The following SNTG1 variants were observed in gnomAD, a reference collection of about 807,000 sequenced individuals.
SNTG1 encodes syntrophin gamma 1.
In SNTG1, 39 loss-of-function variants were observed where a neutral mutation model predicts 74.7. That is an observed-to-expected ratio of 0.52 (90% CI 0.40 to 0.68). The LOEUF is 0.68. SNTG1 is among the 30% of genes least tolerant of loss of function. The pLI is 0.00. For synonymous variants in SNTG1, 254 were observed against 217.1 expected (o/e 1.17, Z -1.49); for missense variants, 685 against 609.5 (o/e 1.12, Z -1.30).
intron 1 of SNTG1, among the ~76,000 whole-genome samples, chr8:50,137,673 G>C (rs1045268445): frequency 1.3e-5 from 2 of 152,178 alleles, no homozygotes; most frequent in Admixed American, 1.3e-4. Flanking sequence ...GGTCAGACCT[G>C]GCAAGGGCAT....
chr8:50,010,675 A>C lies in SNTG1; in HGVS notation c.-103+98444A>C, dbSNP rs576577229. 1.8e-4 allele frequency among the ~76,000 whole-genome samples: 27 copies of C among 152,164 alleles called. No homozygotes were observed. The South Asian group carries it at 5.4e-3, about 30-fold the overall frequency. On this transcript the variant is annotated intron_variant, in intron 1 of 18. Transcript: ENST00000642720. ...TCTCTTAAATGGTAGATTAAAAAAA[A>C]ATTCTTACTAAAAACATCCCCGTAG...
chr8:50,297,013 C>T (rs1406428356), intron 2 of SNTG1, among the ~76,000 whole-genome samples: 1 of 152,140 alleles, frequency 6.6e-6, no homozygotes, highest in Non-Finnish European at 1.5e-5. Flanking sequence ...TTATCCATCC[C>T]TAAATTTGTA....
chr8:50,082,595 A>C (rs1822511810), intron 1 of SNTG1, among the ~76,000 whole-genome samples: 1 of 152,150 alleles, frequency 6.6e-6, no homozygotes, highest in Non-Finnish European at 1.5e-5. Context: ...AATGTGCTCA[A>C]AGACTTTGAG....
At chr8:50,233,671 T>C (rs1376319150) in intron 2 of SNTG1, among the ~76,000 whole-genome samples, 1 of 151,108 alleles carries the variant, frequency 6.6e-6, no homozygotes. Context: ...AAAGAGCCCA[T>C]ATCTAGAATT....
intron 2 of SNTG1, among the ~76,000 whole-genome samples, chr8:50,222,725 C>T (rs189152313): frequency 1.2e-4 from 18 of 152,252 alleles, no homozygotes; most frequent in Admixed American, 1.1e-3. Context: ...TTGATGCAGA[C>T]AGACCCTCAG....
chr8:50,378,632 A>G (rs1352697459), intron 2 of SNTG1, among the ~76,000 whole-genome samples: 1 of 152,076 alleles, frequency 6.6e-6, no homozygotes, highest in Non-Finnish European at 1.5e-5. Flanking sequence ...GGATATCCCA[A>G]TGAGTGTTCA....
intron 4 of SNTG1, among the ~76,000 whole-genome samples, chr8:50,419,385 G>A (rs540285980): frequency 6.6e-6 from 1 of 152,276 alleles, no homozygotes; most frequent in South Asian, 2.1e-4. Context: ...GTCTGCCAAG[G>A]TGGTATTAGG....
At chr8:50,102,835 G>A (rs953678439) in intron 1 of SNTG1, among the ~76,000 whole-genome samples, 1 of 149,004 alleles carries the variant, frequency 6.7e-6, no homozygotes, top group South Asian at 2.1e-4. Flanking sequence ...CCCATTGCTT[G>A]TTTTTGTCAG....
At chr8:50,287,526 G>A (rs551231232) in intron 2 of SNTG1, among the ~76,000 whole-genome samples, 55 of 152,068 alleles carry the variant, frequency 3.6e-4, no homozygotes, top group Non-Finnish European at 3.1e-4. Flanking sequence ...GGGTCAAGCA[G>A]CAGACCATCC....
At position 50,753,792 on chromosome 8, in the gene SNTG1, G is replaced by GA. The variant is rs139754509; in HGVS notation, c.1395+1690dup. 2.7e-3 allele frequency among the ~76,000 whole-genome samples: 401 copies of GA among 150,686 alleles called. 7 individuals are homozygous for GA. In the East Asian group the frequency reaches 0.048, roughly 18 times the overall value. The stretch of plus-strand genomic sequence containing the variant: ...ATTGATAGGAAGTAATTATGGAATA[G>GA]AAAAAAAAAGTAGTCTTAAAAATAA... On this transcript the variant is annotated intron_variant, in intron 18 of 18. Coordinates refer to ENST00000642720, the MANE Select transcript of SNTG1 (RefSeq NM_018967.5).
chr8:50,599,967 T>C (rs1400243781), intron 13 of SNTG1, among the ~76,000 whole-genome samples: 1 of 152,104 alleles, frequency 6.6e-6, no homozygotes, highest in African/African-American at 2.4e-5. Context: ...GATTTTATCA[T>C]GTTGAGATAT....
intron 13 of SNTG1, among the ~76,000 whole-genome samples, chr8:50,601,157 A>T (rs1189431983): frequency 1.3e-4 from 17 of 131,982 alleles, no homozygotes; most frequent in African/African-American, 5.4e-4. Context: ...CGAGACAAAA[A>T]AAAAAAAAAA....
At chr8:50,614,966 G>A (rs1218778594) in intron 13 of SNTG1, among the ~76,000 whole-genome samples, 53 of 146,022 alleles carry the variant, frequency 3.6e-4, no homozygotes, top group African/African-American at 9.9e-4. Context: ...TTTTTGAGAC[G>A]GAGTCTCACT....
At chr8:49,977,821 G>A (rs1464106151) in intron 1 of SNTG1, among the ~76,000 whole-genome samples, 1 of 152,244 alleles carries the variant, frequency 6.6e-6, no homozygotes, top group Non-Finnish European at 1.5e-5. Context: ...CAAAGATAAA[G>A]TTAGAAGGTC....
At chr8:50,710,533 A>G (rs565190221) in intron 17 of SNTG1, among the ~76,000 whole-genome samples, 2 of 152,310 alleles carry the variant, frequency 1.3e-5, no homozygotes, top group African/African-American at 2.4e-5. Context: ...TTGTCACCAA[A>G]CTCTAGTACA....
chr8:50,530,009 C>A (rs1216018817), intron 9 of SNTG1, among the ~76,000 whole-genome samples, 168 bp from the exon 10 acceptor site: 1 of 152,106 alleles, frequency 6.6e-6, no homozygotes, highest in Non-Finnish European at 1.5e-5. Flanking sequence ...CCTGTAGTCA[C>A]TTGGCTTACT....
At chr8:50,647,842 T>A (rs2095119861) in intron 13 of SNTG1, among the ~76,000 whole-genome samples, 1 of 152,122 alleles carries the variant, frequency 6.6e-6, no homozygotes, top group Non-Finnish European at 1.5e-5. Flanking sequence ...TTAATTCTAC[T>A]TTTTTCTAAA....
At chr8:50,152,828 G>C (rs1301764242) in intron 1 of SNTG1, among the ~76,000 whole-genome samples, 1 of 152,162 alleles carries the variant, frequency 6.6e-6, no homozygotes, top group Non-Finnish European at 1.5e-5. Flanking sequence ...CTCTCTGGCT[G>C]CCCTTAACAT....
rs953369990 is a variant in SNTG1 at position 50,435,250 on chromosome 8, G to C, written c.163-3293G>C. Among the ~76,000 whole-genome samples, 5 of 152,090 alleles carry C rather than the reference G, an allele frequency of 3.3e-5. No homozygotes were observed. The East Asian group carries it at 9.7e-4, about 29-fold the overall frequency. Reference sequence around the variant, plus strand: ...TAACGAAAAAGAAGATTAAATAAAGGCATTATATATATATGAAACTGTATA... The same window carrying C: ...TAACGAAAAAGAAGATTAAATAAAGCCATTATATATATATGAAACTGTATA... On this transcript the variant is annotated intron_variant, in intron 4 of 18. Transcript: ENST00000642720.
Sources: gnomAD v4.1 joint callset for allele counts (sites outside exome capture counted in the v4.1 genomes callset) on GRCh38, gnomAD v4.1.1 for gene constraint, MANE v1.5 for transcripts, NCBI Gene and HGNC (gene_info 2026-07-23, HGNC 2026-07-21) for gene names.